Variants in SAMD5 observed in about 807,000 individuals in gnomAD.
The protein encoded by SAMD5 is sterile alpha motif domain containing 5, also known as sterile alpha motif domain-containing protein 5.
A neutral mutation model predicts 11.3 loss-of-function variants in SAMD5; 13 were observed. That is an observed-to-expected ratio of 1.15 (90% CI 0.75 to 1.83). SAMD5 has a LOEUF of 1.83. SAMD5 is among the 40% of genes most tolerant of loss of function. The pLI, the probability that SAMD5 is intolerant of heterozygous loss-of-function variation, is 0.00. For synonymous variants in SAMD5, 129 were observed against 111.3 expected (o/e 1.16, Z -1.00); for missense variants, 255 against 239.1 (o/e 1.07, Z -0.44).
intron 1 of SAMD5, among the ~76,000 whole-genome samples, chr6:147,593,861 G>A (rs844578): frequency 0.088 from 13,403 of 152,142 alleles, 948 homozygotes; most frequent in African/African-American, 0.2. Flanking sequence ...GGGCACGGTG[G>A]CCACACCTGT....
At chr6:147,602,818 A>C (rs981257773) in intron 1 of SAMD5, among the ~76,000 whole-genome samples, 5 of 152,262 alleles carry the variant, frequency 3.3e-5, no homozygotes, top group African/African-American at 1.2e-4. Context: ...GAGTAGTTCT[A>C]GAATAAGAAA....
chr6:147,694,955 G>T (rs1583142669), intron 1 of SAMD5, among the ~76,000 whole-genome samples: 1 of 152,272 alleles, frequency 6.6e-6, no homozygotes, highest in East Asian at 1.9e-4. Context: ...TCTGGAAACT[G>T]ATTTTGAAAG....
chr6:147,646,344 A>G (rs1264740964), intron 1 of SAMD5, among the ~76,000 whole-genome samples: 7 of 152,212 alleles, frequency 4.6e-5, no homozygotes, highest in African/African-American at 1.7e-4. Flanking sequence ...AAAATGAGAG[A>G]TACATTTGCA....
the SAMD5 span, among the ~76,000 whole-genome samples, chr6:147,897,585 T>G: frequency 6.6e-6 from 1 of 152,126 alleles, no homozygotes; most frequent in Non-Finnish European, 1.5e-5. Context: ...TTGTGAGGCT[T>G]GGGGCAAATC....
intron 1 of SAMD5, among the ~76,000 whole-genome samples, chr6:147,665,736 G>A (rs767299789): frequency 2.0e-5 from 3 of 152,170 alleles, no homozygotes; most frequent in Non-Finnish European, 2.9e-5. Flanking sequence ...TTCAATGAAG[G>A]AGATGTCTCT....
At position 147,711,060 on chromosome 6, in the gene SAMD5, A is replaced by AGAAGGAAGGAAG. The variant is rs562515267; in HGVS notation, c.163-26251_163-26240dup. On this transcript the variant is annotated intron_variant, in intron 1 of 1. Transcript: ENST00000566741. This position sits in a 1 kb window ranked among gnomAD's most constrained non-coding sequence, Gnocchi z 4.1. The stretch of plus-strand genomic sequence containing the variant: ...AAGGAAAATGAAAGAAGGAAGGAAA[A>AGAAGGAAGGAAG]GAAGGAAGGAAGGAAGGGAAGGAAG... 6.6e-6 allele frequency among the ~76,000 whole-genome samples: 1 copy of AGAAGGAAGGAAG among 151,332 alleles called. No individual in the cohort carries two copies. Among genetic ancestry groups the AGAAGGAAGGAAG allele is most frequent in the Non-Finnish European group, 1.5e-5 (1 of 67,804 alleles).
At chr6:147,688,662 T>C (rs916170707) in intron 1 of SAMD5, among the ~76,000 whole-genome samples, 2 of 152,200 alleles carry the variant, frequency 1.3e-5, no homozygotes, top group African/African-American at 4.8e-5. Flanking sequence ...CAGTTTCCAC[T>C]CAAGTGCCTC....
chr6:147,730,675 A>G (rs551648175), intron 1 of SAMD5, among the ~76,000 whole-genome samples: 1 of 152,170 alleles, frequency 6.6e-6, no homozygotes, highest in Non-Finnish European at 1.5e-5. Flanking sequence ...GCATATATAG[A>G]CAATAGACAA....
At chr6:147,605,424 G>A (rs1238462318) in intron 1 of SAMD5, among the ~76,000 whole-genome samples, 1 of 152,092 alleles carries the variant, frequency 6.6e-6, no homozygotes, top group Non-Finnish European at 1.5e-5. Flanking sequence ...CTTGTTTTTA[G>A]CATTTTAATT....
intron 1 of SAMD5, among the ~76,000 whole-genome samples, chr6:147,648,376 T>A (rs1282484806): frequency 1.3e-5 from 2 of 152,314 alleles, no homozygotes; most frequent in Non-Finnish European, 2.9e-5. Context: ...TGTGGGAAAC[T>A]ACTGTCATGA....
At chr6:147,654,960 C>T (rs1200851507) in intron 1 of SAMD5, among the ~76,000 whole-genome samples, 1 of 152,066 alleles carries the variant, frequency 6.6e-6, no homozygotes, top group Non-Finnish European at 1.5e-5. Flanking sequence ...GCACAATGAA[C>T]CCAAGTGATC....
chr6:147,644,711 T>C (rs1204249663), intron 1 of SAMD5, among the ~76,000 whole-genome samples: 1 of 152,234 alleles, frequency 6.6e-6, no homozygotes, highest in African/African-American at 2.4e-5. Context: ...CTTCTTAAGC[T>C]TTTCCTTCAA....
chr6:147,672,484 GT>G (rs1441988271), intron 1 of SAMD5, among the ~76,000 whole-genome samples: 2 of 152,088 alleles, frequency 1.3e-5, no homozygotes, highest in African/African-American at 4.8e-5. Flanking sequence ...ATATTTTCAT[GT>G]TAGTGCGTGG....
intron 1 of SAMD5, among the ~76,000 whole-genome samples, chr6:147,587,299 G>A (rs844559): frequency 0.089 from 13,534 of 152,100 alleles, 1,020 homozygotes; most frequent in African/African-American, 0.21. Flanking sequence ...GTACAGTGAC[G>A]TGATGGCTGC....
the SAMD5 span, among the ~76,000 whole-genome samples, chr6:147,906,740 A>T: frequency 6.6e-6 from 1 of 152,162 alleles, no homozygotes; most frequent in Non-Finnish European, 1.5e-5. Context: ...ATCAAACAAC[A>T]TGCAATGCAC....
the SAMD5 span, among the ~76,000 whole-genome samples, chr6:147,842,190 T>A: frequency 6.6e-6 from 1 of 152,080 alleles, no homozygotes; most frequent in African/African-American, 2.4e-5. Flanking sequence ...CACCTTTGGC[T>A]TGGGTGACTC....
intron 1 of SAMD5, among the ~76,000 whole-genome samples, chr6:147,511,911 A>C (rs1225104626): frequency 6.6e-6 from 1 of 152,092 alleles, no homozygotes; most frequent in Non-Finnish European, 1.5e-5. Flanking sequence ...CCACATTCTA[A>C]TTTCTCCACT....
chr6:147,690,630 C>CA (rs1403322675), intron 1 of SAMD5, among the ~76,000 whole-genome samples: 3 of 152,158 alleles, frequency 2.0e-5, no homozygotes, highest in Non-Finnish European at 4.4e-5. Context: ...TCCTGGGTGA[C>CA]AGAGTGAGAC....
chr6:147,702,368 T>G (rs2128457884), intron 1 of SAMD5, among the ~76,000 whole-genome samples: 1 of 152,208 alleles, frequency 6.6e-6, no homozygotes, highest in Admixed American at 6.5e-5. Context: ...TGCAAAATTT[T>G]GAAACTCTAG....
Sources: allele counts gnomAD v4.1 joint callset (sites outside exome capture counted in the v4.1 genomes callset), GRCh38; gene constraint gnomAD v4.1.1; non-coding constraint Gnocchi (gnomAD v3.1); transcripts MANE v1.5; gene names NCBI Gene and HGNC (gene_info 2026-07-23, HGNC 2026-07-21).